The following NOS1AP variants were observed in gnomAD, a reference collection of about 807,000 sequenced individuals.
NOS1AP encodes the protein nitric oxide synthase 1 adaptor protein.
A neutral mutation model predicts 56.2 loss-of-function variants in NOS1AP; 21 were observed. That is an observed-to-expected ratio of 0.37 (90% CI 0.26 to 0.54). The LOEUF (loss-of-function observed/expected upper bound fraction) is 0.54, where lower values mean the gene tolerates loss of function less well. Among genes scored for constraint, NOS1AP ranks in the 20% least tolerant of loss-of-function variants. The probability of loss-of-function intolerance (pLI) is 0.84; values close to 1 mark genes in which losing one functional copy is unlikely to be tolerated. For synonymous variants in NOS1AP, 270 were observed against 274.6 expected (o/e 0.98, Z 0.17); for missense variants, 522 against 657.8 (o/e 0.79, Z 2.26).
At chr1:162,165,933 C>T (rs1049213926) in intron 2 of NOS1AP, among the ~76,000 whole-genome samples, 3 of 152,164 alleles carry the variant, frequency 2.0e-5, no homozygotes, top group Non-Finnish European at 4.4e-5. Context: ...TGCAGTCTCT[C>T]CTTTTTGCCC....
chr1:162,149,571 C>A (rs1255247661), intron 1 of NOS1AP, among the ~76,000 whole-genome samples: 1 of 152,190 alleles, frequency 6.6e-6, no homozygotes, highest in Non-Finnish European at 1.5e-5. Flanking sequence ...ATACCACACC[C>A]TCTGGTTTTG....
intron 5 of NOS1AP, among the ~76,000 whole-genome samples, chr1:162,334,778 T>C (rs1656884939): frequency 6.6e-6 from 1 of 152,210 alleles, no homozygotes; most frequent in Non-Finnish European, 1.5e-5. Flanking sequence ...AACACGTCTG[T>C]AAAGAAGGTA....
chr1:162,168,475 A>G (rs1650609805), intron 2 of NOS1AP, among the ~76,000 whole-genome samples: 1 of 152,208 alleles, frequency 6.6e-6, no homozygotes, highest in Admixed American at 6.5e-5. Flanking sequence ...ATCAGCTGCT[A>G]CAGCTGTGGA....
intron 1 of NOS1AP, among the ~76,000 whole-genome samples, chr1:162,107,640 G>T (rs1647564311): frequency 6.6e-6 from 1 of 152,096 alleles, no homozygotes; most frequent in Non-Finnish European, 1.5e-5. Context: ...CACTGTGCCT[G>T]GCCTTAACAT....
At chr1:162,245,649 G>A (rs1180236886) in intron 2 of NOS1AP, among the ~76,000 whole-genome samples, 2 of 152,236 alleles carry the variant, frequency 1.3e-5, no homozygotes, top group East Asian at 1.9e-4. Flanking sequence ...ATGTCCATCA[G>A]CAATTGCTTT....
At chr1:162,293,783 G>A (rs1370348765) in intron 3 of NOS1AP, among the ~76,000 whole-genome samples, 2 of 152,156 alleles carry the variant, frequency 1.3e-5, no homozygotes, top group Admixed American at 1.3e-4. Context: ...TAGAAGAGTT[G>A]GATTTTATTT....
chr1:162,233,070 C>T (rs535497257), intron 2 of NOS1AP, among the ~76,000 whole-genome samples: 4 of 152,206 alleles, frequency 2.6e-5, no homozygotes, highest in Non-Finnish European at 5.9e-5. Context: ...TTAGAATCTA[C>T]TGGAGGGCTT....
chr1:162,307,792 C>A (rs748917312), intron 4 of NOS1AP, among the ~76,000 whole-genome samples: 5 of 146,022 alleles, frequency 3.4e-5, no homozygotes, highest in Non-Finnish European at 7.5e-5. Flanking sequence ...GCCTGGGTGA[C>A]AGAGCAAGAC....
intron 2 of NOS1AP, 57 bp downstream of exon 2, chr1:162,154,533 C>T (rs777633013): frequency 3.5e-5 from 55 of 1,570,596 alleles, no homozygotes; most frequent in South Asian, 2.1e-4. Flanking sequence ...TAGCTGCTGG[C>T]CCTTCTAGGT....
At chr1:162,071,611 T>G (rs1283382454) in intron 1 of NOS1AP, among the ~76,000 whole-genome samples, 1 of 152,188 alleles carries the variant, frequency 6.6e-6, no homozygotes, top group Non-Finnish European at 1.5e-5. Context: ...CAGAGCTGAA[T>G]TACTGGGTAT....
At chr1:162,294,146 G>A (rs1311720703) in intron 3 of NOS1AP, among the ~76,000 whole-genome samples, 1 of 147,360 alleles carries the variant, frequency 6.8e-6, no homozygotes, top group African/African-American at 2.6e-5. Flanking sequence ...GAGTGCAAGA[G>A]AGAGGGGAAG....
intron 9 of NOS1AP, among the ~76,000 whole-genome samples, 159 bp downstream of exon 9, chr1:162,365,728 T>A (rs138535051): frequency 1.3e-5 from 2 of 152,292 alleles, no homozygotes; most frequent in Non-Finnish European, 2.9e-5. Context: ...GTATACTTAA[T>A]GAATTACAGA....
chr1:162,324,170 C>T (rs1462736962), intron 4 of NOS1AP, among the ~76,000 whole-genome samples: 3 of 152,034 alleles, frequency 2.0e-5, no homozygotes, highest in East Asian at 1.9e-4. Flanking sequence ...TCAGGAAGTC[C>T]GAGGGTCCTG....
chr1:162,251,709 G>A (rs2101692950), intron 2 of NOS1AP, among the ~76,000 whole-genome samples: 1 of 150,036 alleles, frequency 6.7e-6, no homozygotes, highest in Admixed American at 6.7e-5. Context: ...TTTGAGATAG[G>A]GTCTCACTCA....
intron 3 of NOS1AP, among the ~76,000 whole-genome samples, chr1:162,300,363 T>C (rs1017711917): frequency 7.9e-5 from 12 of 152,112 alleles, no homozygotes; most frequent in African/African-American, 2.9e-4. Flanking sequence ...TCACATTACG[T>C]CCCCACTTCA....
intron 1 of NOS1AP, among the ~76,000 whole-genome samples, chr1:162,139,783 C>T (rs187314315): frequency 1.3e-5 from 2 of 152,154 alleles, no homozygotes; most frequent in East Asian, 1.9e-4. Flanking sequence ...GAATGGGAGG[C>T]AAGCCGTGTG....
At chr1:162,302,920 T>C (rs1478756882) in intron 4 of NOS1AP, among the ~76,000 whole-genome samples, 1 of 152,228 alleles carries the variant, frequency 6.6e-6, no homozygotes, top group African/African-American at 2.4e-5. Context: ...CAGTATATCC[T>C]CTTTTTTGGG....
intron 1 of NOS1AP, among the ~76,000 whole-genome samples, chr1:162,136,069 A>C (rs944887585): frequency 6.6e-6 from 1 of 152,208 alleles, no homozygotes; most frequent in Admixed American, 6.5e-5. Flanking sequence ...AACCCGAGTT[A>C]GTACTATAAA....
At position 162,217,267 on chromosome 1, in the gene NOS1AP, C is replaced by CT. The variant is rs61378473; in HGVS notation, c.177+62805dup. Among the ~76,000 whole-genome samples the CT allele has an allele frequency of 5.3e-4, 36 of 68,400 alleles. 3 individuals are homozygous for CT. Among genetic ancestry groups the CT allele is most frequent in the Admixed American group, 1.1e-3 (5 of 4,596 alleles). The allele number at this position is 68,400 out of a possible 152,430, so 44.9% of individuals were successfully genotyped here. A position where few individuals can be genotyped will look rare whatever the true frequency, so the allele number is the denominator to read the frequency against. Reference sequence around the variant, plus strand: ...TGGGTCCTGAAACAGCTGTTGTTAGCTTTTTTTTTTTTTTGAGATGAAGTC... The same window carrying CT: ...TGGGTCCTGAAACAGCTGTTGTTAGCTTTTTTTTTTTTTTTGAGATGAAGTC... On this transcript the variant is annotated intron_variant, in intron 2 of 9. Transcript: ENST00000361897.
Sources: gnomAD v4.1 joint callset for allele counts (sites outside exome capture counted in the v4.1 genomes callset) on GRCh38, gnomAD v4.1.1 for gene constraint, MANE v1.5 for transcripts, NCBI Gene and HGNC (gene_info 2026-07-23, HGNC 2026-07-21) for gene names.